NUB1: variants seen among roughly 807,000 people sequenced by gnomAD.
NUB1 encodes the protein NEDD8 ultimate buster 1.
Under a neutral mutation model 77.1 loss-of-function variants are expected in NUB1, and 41 were observed. The ratio of observed to expected loss-of-function variants is 0.53; its 90% CI spans 0.41 to 0.69. The LOEUF (loss-of-function observed/expected upper bound fraction) is 0.69, where lower values mean the gene tolerates loss of function less well. NUB1 is among the 30% of genes least tolerant of loss of function. NUB1 has a pLI of 0.00. For synonymous variants in NUB1, 257 were observed against 281.0 expected (o/e 0.91, Z 0.85); for missense variants, 643 against 743.8 (o/e 0.86, Z 1.58).
chr7:151,345,523 A>G (rs1796462554), intron 2 of NUB1, 57 bp downstream of exon 2: 1 of 957,942 alleles, frequency 1.0e-6, no homozygotes, highest in Non-Finnish European at 1.6e-6. Context: ...CTTGGTAAAT[A>G]AGATTCTGAA....
At chr7:151,362,131 T>C (rs452310) in intron 8 of NUB1, among the ~76,000 whole-genome samples, 121,263 of 152,120 alleles carry the variant, frequency 0.8, 48,457 homozygotes, top group East Asian at 0.99. Flanking sequence ...CAGGGAACCA[T>C]TGAATACAAA....
Position 151,352,852 on chromosome 7 carries a change from A to C in NUB1, c.385A>C (p.Ile129Leu), listed in dbSNP as rs747703327. 1.9e-6 allele frequency: 3 copies of C among 1,559,734 alleles called. No homozygotes were observed. The highest frequency in any genetic ancestry group is 2.6e-6 in the Non-Finnish European group (3 of 1,134,218). Reference sequence around the variant, plus strand: ...TGGACTTCAAGAAAATTATATCAAAATTGTCATAAATAAGAAGCAACTACA... The same window carrying C: ...TGGACTTCAAGAAAATTATATCAAACTTGTCATAAATAAGAAGCAACTACA... ...TFGLQENYIK[I>L]VINKKQLQLG... Residue 129 changes from isoleucine to leucine, a missense_variant, in exon 5 of 15, where the codon ATT (isoleucine) becomes CTT (leucine). By Grantham distance (5) the Ile-to-Leu change is conservative. Transcript: ENST00000568733.
chr7:151,344,180 C>CAA (rs561127147), intron 1 of NUB1, among the ~76,000 whole-genome samples: 1,532 of 45,616 alleles, frequency 0.034, 333 homozygotes, highest in Non-Finnish European at 0.065. Context: ...GACTCCCTCT[C>CAA]AAAAAAAAAA....
At chr7:151,349,000 C>A in intron 2 of NUB1, 73 bp from the exon 3 acceptor site, 1 of 1,421,348 alleles carries the variant, frequency 7.0e-7, no homozygotes, top group Non-Finnish European at 9.7e-7. Context: ...GCCTTAGAGT[C>A]TTTCATGCCC....
chr7:151,341,884 T>C, intron 1 of NUB1, 38 bp downstream of exon 1: 1 of 1,467,754 alleles, frequency 6.8e-7, no homozygotes, highest in Admixed American at 2.5e-5. Flanking sequence ...GACCCCAGCC[T>C]CAGCAGCACT....
chr7:151,353,250 C>T (rs1324523332), intron 5 of NUB1, among the ~76,000 whole-genome samples: 1 of 152,094 alleles, frequency 6.6e-6, no homozygotes, highest in Non-Finnish European at 1.5e-5. Flanking sequence ...GACTGAGAGC[C>T]TTATGTCAGA....
chr7:151,375,990 G>A (rs754735642), intron 13 of NUB1, 47 bp downstream of exon 13: 10 of 1,200,942 alleles, frequency 8.3e-6, no homozygotes, highest in Non-Finnish European at 1.2e-5. Context: ...CCTCGGGTGG[G>A]GTTGCTTGGG....
intron 1 of NUB1, among the ~76,000 whole-genome samples, chr7:151,344,580 G>A (rs549699475): frequency 4.9e-4 from 74 of 151,304 alleles, no homozygotes; most frequent in African/African-American, 1.7e-3. Context: ...GCCTCCCAAA[G>A]TGCTGGGGTT....
In NUB1 at chr7:151,377,250, T is replaced by G; in HGVS notation, c.*25T>G. On this transcript the variant is annotated 3_prime_UTR_variant, in exon 15 of 15. Transcript: ENST00000568733. ...AATAATGAACAGAAATAGCGCTAAT[T>G]TTCTGCTTATAAATGCTATCATTAT... The G allele has an allele frequency of 7.0e-7, 1 of 1,434,868 alleles. No individual in the cohort carries two copies. Among genetic ancestry groups the G allele is most frequent in the Non-Finnish European group, 9.4e-7 (1 of 1,064,854 alleles). The allele number at this position is 1,434,868 out of a possible 1,614,324, so 88.9% of individuals were successfully genotyped here. A position where few individuals can be genotyped will look rare whatever the true frequency, so the allele number is the denominator to read the frequency against.
chr7:151,346,184 A>G (rs936383403), intron 2 of NUB1, among the ~76,000 whole-genome samples: 1 of 152,198 alleles, frequency 6.6e-6, no homozygotes, highest in African/African-American at 2.4e-5. Flanking sequence ...TGTGCTTGGG[A>G]GGTGACAAAC....
intron 5 of NUB1, among the ~76,000 whole-genome samples, chr7:151,353,132 A>G (rs940481109): frequency 1.3e-5 from 2 of 152,206 alleles, no homozygotes; most frequent in South Asian, 2.1e-4. Flanking sequence ...AGAGAATGGA[A>G]TGTAAGGTGT....
At chr7:151,351,521 C>T in intron 4 of NUB1, 39 bp downstream of exon 4, 9 of 1,471,302 alleles carry the variant, frequency 6.1e-6, no homozygotes, top group Non-Finnish European at 8.5e-6. Context: ...GTGCTCTGGG[C>T]CTTTTTACAT....
intron 13 of NUB1, 41 bp downstream of exon 13, chr7:151,375,984 G>C: frequency 7.4e-7 from 1 of 1,348,448 alleles, no homozygotes; most frequent in Non-Finnish European, 1.1e-6. Context: ...GGACAGCCTC[G>C]GGTGGGGTTG....
rs1035491370 is a variant in NUB1 at position 151,349,358 on chromosome 7, C to T, written c.285+118C>T. 1.6e-5 allele frequency: 13 copies of T among 821,064 alleles called. No individual in the cohort carries two copies. In the African/African-American group the frequency reaches 1.7e-4, roughly 11 times the overall value. 50.9% of individuals were successfully genotyped at this position (821,064 alleles called of 1,614,324 possible). On this transcript the variant is annotated intron_variant, in intron 3 of 14. Transcript: ENST00000568733. ...GTCAGAATTCTTTTAAGTGACTTTA[C>T]ATATTGAACAATTTATCAGCTTGAA... is the stretch of plus-strand genomic sequence containing the variant.
At chr7:151,364,442 C>CA (rs1276576514) in intron 8 of NUB1, among the ~76,000 whole-genome samples, 48 of 119,882 alleles carry the variant, frequency 4.0e-4, no homozygotes, top group South Asian at 6.4e-4. Context: ...CAAAAAAAAA[C>CA]AAAAAAAAAA....
intron 3 of NUB1, among the ~76,000 whole-genome samples, chr7:151,350,022 G>A (rs1397702110): frequency 2.0e-5 from 3 of 152,248 alleles, no homozygotes; most frequent in Non-Finnish European, 4.4e-5. Flanking sequence ...GGTCACAGGA[G>A]TCATGTGTCC....
chr7:151,367,980 A>G lies in NUB1; in HGVS notation c.1095+12A>G. On this transcript the variant is annotated intron_variant, in intron 10 of 14. Transcript: ENST00000568733. ...AGTATCTTAACAAGGTAAGAAAAGT[A>G]AAGTTGTAACCAATTTTCACCTCCT... The G allele has an allele frequency of 6.8e-7, 1 of 1,480,424 alleles. No individual in the cohort carries two copies. The highest frequency in any genetic ancestry group is 2.4e-5 in the East Asian group (1 of 42,364). The allele number at this position is 1,480,424 out of a possible 1,614,324, so 91.7% of individuals were successfully genotyped here. A position where few individuals can be genotyped will look rare whatever the true frequency, so the allele number is the denominator to read the frequency against.
In NUB1 at chr7:151,369,815, G is replaced by A. The variant is rs569557666; in HGVS notation, c.1248+928G>A. ...AGAATCTTCACATGTATGTTACCTC[G>A]TTTCCCTTTTTGCTAAACACTAGGA... On this transcript the variant is annotated intron_variant, in intron 11 of 14. Coordinates refer to ENST00000568733, the MANE Select transcript of NUB1 (RefSeq NM_001243351.2). 9.1e-4 allele frequency among the ~76,000 whole-genome samples: 138 copies of A among 152,256 alleles called. 1 individual carries two copies. Among genetic ancestry groups the A allele is most frequent in the African/African-American group, 3.0e-3 (126 of 41,536 alleles).
rs1798292981 is a variant in NUB1, at chr7:151,376,718, C to T, written c.1576C>T (p.Leu526Phe). The change falls in exon 14 of 15, where the codon CTT (leucine) becomes TTT (phenylalanine). Residue 526 changes from leucine to phenylalanine, a missense_variant. By Grantham distance (22) the Leu-to-Phe change is conservative. Transcript: ENST00000568733. ...CAACGTCCAGCTGGCCGCCCAGACCCTTGCTCACAACGGAGGAAGCCTGCC... is the reference window on the plus strand; with the variant it reads ...CAACGTCCAGCTGGCCGCCCAGACCTTTGCTCACAACGGAGGAAGCCTGCC... ...RGNVQLAAQTLAHNGGSLPPE... is the reference protein window; with the variant it reads ...RGNVQLAAQTFAHNGGSLPPE... 6.2e-7 allele frequency: 1 copy of T among 1,607,864 alleles called. No individual in the cohort carries two copies.
Sources: gnomAD v4.1 joint callset for allele counts (sites outside exome capture counted in the v4.1 genomes callset) on GRCh38, gnomAD v4.1.1 for gene constraint, MANE v1.5 for transcripts, NCBI Gene and HGNC (gene_info 2026-07-23, HGNC 2026-07-21) for gene names.